The following NDUFS4 variants were observed in gnomAD, a reference collection of about 807,000 sequenced individuals.
NDUFS4 encodes the protein NADH:ubiquinone oxidoreductase subunit S4, also known as NADH dehydrogenase [ubiquinone] iron-sulfur protein 4, mitochondrial.
A neutral mutation model predicts 24.3 loss-of-function variants in NDUFS4; 28 were observed. The observed-to-expected ratio is 1.15, with a 90% CI of 0.85 to 1.58. NDUFS4 has a LOEUF of 1.58. NDUFS4 is among the 40% of genes most tolerant of loss of function. The pLI is 0.00. For missense variants in NDUFS4, 223 were observed against 207.9 expected, an observed-to-expected ratio of 1.07 and a Z score of -0.45; for synonymous variants, 93 against 69.7, an observed-to-expected ratio of 1.34 and a Z score of -1.67.
intron 2 of NDUFS4, chr5:53,604,993 G>A (rs1182729519): frequency 3.9e-5 from 16 of 405,992 alleles, no homozygotes; most frequent in Admixed American, 1.6e-4. Context: ...AGGCTGAGGC[G>A]GGTGGATCAC....
At chr5:53,594,118 C>A (rs1388545463) in intron 1 of NDUFS4, among the ~76,000 whole-genome samples, 2 of 152,140 alleles carry the variant, frequency 1.3e-5, no homozygotes, top group Non-Finnish European at 2.9e-5. Context: ...TCTACTGGCT[C>A]TGTCAATTAC....
chr5:53,601,250 G>A (rs1353130189), intron 1 of NDUFS4, among the ~76,000 whole-genome samples: 8 of 151,828 alleles, frequency 5.3e-5, no homozygotes, highest in African/African-American at 1.7e-4. Flanking sequence ...TGATCCGCCC[G>A]CCTCAGCCTC....
chr5:53,589,097 A>G (rs181727837), intron 1 of NDUFS4, among the ~76,000 whole-genome samples: 146 of 152,320 alleles, frequency 9.6e-4, no homozygotes, highest in African/African-American at 2.1e-3. Context: ...AAAGCGTAAG[A>G]AAATAAATTA....
At chr5:53,666,286 G>A (rs763594130) in intron 4 of NDUFS4, among the ~76,000 whole-genome samples, 1 of 152,058 alleles carries the variant, frequency 6.6e-6, no homozygotes, top group Non-Finnish European at 1.5e-5. Context: ...TTAAATCCCT[G>A]GTTAGTCTTT....
intron 2 of NDUFS4, among the ~76,000 whole-genome samples, chr5:53,613,768 A>G (rs147085870): frequency 1.4e-4 from 21 of 151,226 alleles, no homozygotes; most frequent in African/African-American, 4.1e-4. Flanking sequence ...TAGATTTCAT[A>G]GTGAAATGGT....
intron 1 of NDUFS4, among the ~76,000 whole-genome samples, chr5:53,572,441 C>G (rs2112415906): frequency 6.6e-6 from 1 of 152,254 alleles, no homozygotes; most frequent in East Asian, 1.9e-4. Flanking sequence ...CTGAACTCTA[C>G]CAATCAGATG....
At chr5:53,636,375 A>G (rs392169) in intron 2 of NDUFS4, among the ~76,000 whole-genome samples, 31,007 of 152,142 alleles carry the variant, frequency 0.2, 3,697 homozygotes, top group East Asian at 0.47. Context: ...TCCAAGTCAA[A>G]GAAACTTGGG....
At chr5:53,586,304 G>T (rs527836675) in intron 1 of NDUFS4, among the ~76,000 whole-genome samples, 133 of 150,136 alleles carry the variant, frequency 8.9e-4, no homozygotes, top group Non-Finnish European at 1.7e-3. Flanking sequence ...ACTTAAGCCT[G>T]GGCGACAAGA....
At chr5:53,578,161 A>G (rs1749445671) in intron 1 of NDUFS4, among the ~76,000 whole-genome samples, 1 of 152,200 alleles carries the variant, frequency 6.6e-6, no homozygotes, top group Admixed American at 6.5e-5. Flanking sequence ...TTTATTTAAC[A>G]AATTTTAGAT....
chr5:53,623,660 T>G (rs1751126062), intron 2 of NDUFS4, among the ~76,000 whole-genome samples: 1 of 152,192 alleles, frequency 6.6e-6, no homozygotes, highest in African/African-American at 2.4e-5. Context: ...TCCTATGTTT[T>G]CTTCTCAAAG....
At chr5:53,631,324 C>A (rs1294974457) in intron 2 of NDUFS4, among the ~76,000 whole-genome samples, 1 of 152,174 alleles carries the variant, frequency 6.6e-6, no homozygotes, top group East Asian at 1.9e-4. Flanking sequence ...CTGTCGGCCC[C>A]TACTGGGAGG....
At chr5:53,596,803 A>G (rs1328024061) in intron 1 of NDUFS4, among the ~76,000 whole-genome samples, 1 of 152,198 alleles carries the variant, frequency 6.6e-6, no homozygotes, top group Non-Finnish European at 1.5e-5. Flanking sequence ...ATTAGTTCTA[A>G]TCAAAAGGCT....
In NDUFS4 at chr5:53,645,223, C is replaced by T. The variant is rs1579913103; in HGVS notation, c.178-1010C>T. On this transcript the variant is annotated intron_variant, in intron 2 of 4. Transcript: ENST00000296684. ...TTCATTAATAAGCATATGGTTGACC[C>T]CAATGTGATTTACTTTGATCAGATA... is the stretch of plus-strand genomic sequence containing the variant. Among the ~76,000 whole-genome samples, 4 of 152,086 alleles carry T rather than the reference C, an allele frequency of 2.6e-5. No homozygotes were observed. The East Asian group carries it at 7.7e-4, about 29-fold the overall frequency.
At chr5:53,601,331 CTT>C (rs949293010) in intron 1 of NDUFS4, among the ~76,000 whole-genome samples, 1 of 152,064 alleles carries the variant, frequency 6.6e-6, no homozygotes, top group African/African-American at 2.4e-5. Flanking sequence ...TGTTATATAA[CTT>C]TATTATTACA....
At chr5:53,598,495 A>G (rs551027600) in intron 1 of NDUFS4, among the ~76,000 whole-genome samples, 2 of 152,298 alleles carry the variant, frequency 1.3e-5, no homozygotes, top group East Asian at 3.9e-4. Flanking sequence ...CTAGAATCAA[A>G]TAGACTGTCA....
intron 1 of NDUFS4, among the ~76,000 whole-genome samples, chr5:53,602,130 A>G (rs796537489): frequency 7.9e-5 from 12 of 152,324 alleles, no homozygotes; most frequent in African/African-American, 2.9e-4. Context: ...TCATGAGTTC[A>G]CTTATCATTA....
intron 4 of NDUFS4, 129 bp from the exon 5 acceptor site, chr5:53,682,989 G>A (rs1740720990): frequency 1.3e-6 from 1 of 764,586 alleles, no homozygotes; most frequent in Non-Finnish European, 2.4e-6. Context: ...TCTCAGATGT[G>A]TTGACATATA....
At chr5:53,649,840 A>G (rs1341293323) in intron 3 of NDUFS4, among the ~76,000 whole-genome samples, 2 of 152,122 alleles carry the variant, frequency 1.3e-5, no homozygotes, top group Non-Finnish European at 2.9e-5. Context: ...TGCCAACAAT[A>G]GCCATTCTGA....
intron 2 of NDUFS4, among the ~76,000 whole-genome samples, chr5:53,619,548 TA>T (rs1001378819): frequency 2.3e-4 from 32 of 140,792 alleles, no homozygotes; most frequent in Non-Finnish European, 3.7e-4. Flanking sequence ...TTACTACCAA[TA>T]AAAAAGATAC....
Sources: gnomAD v4.1 joint callset for allele counts (sites outside exome capture counted in the v4.1 genomes callset) on GRCh38, gnomAD v4.1.1 for gene constraint, MANE v1.5 for transcripts, NCBI Gene and HGNC (gene_info 2026-07-23, HGNC 2026-07-21) for gene names.